Variants in FLI1 observed in about 807,000 individuals in gnomAD.
The protein encoded by FLI1 is Fli-1 proto-oncogene, ETS transcription factor.
Under a neutral mutation model 53.1 loss-of-function variants are expected in FLI1, and 13 were observed. That is an observed-to-expected ratio of 0.24 (90% CI 0.16 to 0.39). The LOEUF (loss-of-function observed/expected upper bound fraction) is 0.39. FLI1 is among the 10% of genes least tolerant of loss of function. The pLI, the probability that FLI1 is intolerant of heterozygous loss-of-function variation, is 1.00. For missense variants in FLI1, 424 were observed against 600.5 expected, an observed-to-expected ratio of 0.71 and a Z score of 3.07; for synonymous variants, 244 against 236.7, an observed-to-expected ratio of 1.03 and a Z score of -0.28.
At chr11:128,758,353 TG>T in intron 2 of FLI1, 27 bp downstream of exon 2, 2 of 1,595,942 alleles carry the variant, frequency 1.3e-6, no homozygotes, top group Non-Finnish European at 8.6e-7. Flanking sequence ...TGTGCAGGAT[TG>T]GGGGAAGGCA....
intron 1 of FLI1, among the ~76,000 whole-genome samples, chr11:128,715,931 G>A (rs924949446): frequency 1.3e-5 from 2 of 152,206 alleles, no homozygotes; most frequent in South Asian, 2.1e-4. Flanking sequence ...CCACTAAGGA[G>A]AGCAAGGTTT....
chr11:128,762,982 G>A (rs1426000271), intron 2 of FLI1, among the ~76,000 whole-genome samples: 2 of 151,944 alleles, frequency 1.3e-5, no homozygotes, highest in South Asian at 2.1e-4. Context: ...TATGTAGTTC[G>A]CACATGTGGT....
At chr11:128,693,351 G>T (rs1165510118), upstream of FLI1, 1 of 152,458 alleles carries the variant, frequency 6.6e-6, no homozygotes, top group East Asian at 1.9e-4. Flanking sequence ...ATGAGTGGGT[G>T]AGCCGCTCTG....
chr11:128,750,607 G>A (rs754567288), intron 1 of FLI1, among the ~76,000 whole-genome samples: 3 of 152,162 alleles, frequency 2.0e-5, no homozygotes, highest in Non-Finnish European at 4.4e-5. Context: ...TTGCCCCTCT[G>A]GAGGCTTTTC....
At chr11:128,686,079 C>A (rs113134212), upstream of FLI1, 88 of 319,526 alleles carry the variant, frequency 2.8e-4, no homozygotes, top group Non-Finnish European at 4.3e-4. Flanking sequence ...TTCCTCCGTC[C>A]CCGGGCCACC....
At chr11:128,717,301 T>G (rs1939056699) in intron 1 of FLI1, among the ~76,000 whole-genome samples, 1 of 152,156 alleles carries the variant, frequency 6.6e-6, no homozygotes, top group Admixed American at 6.5e-5. Flanking sequence ...GAGAGGAGAT[T>G]CCCAGGAGGA....
At chr11:128,792,594 A>G (rs1463673626) in intron 5 of FLI1, among the ~76,000 whole-genome samples, 1 of 152,198 alleles carries the variant, frequency 6.6e-6, no homozygotes, top group African/African-American at 2.4e-5. Flanking sequence ...TGCCACATGG[A>G]GACAAACGGG....
At chr11:128,785,078 G>A (rs969392108) in intron 5 of FLI1, among the ~76,000 whole-genome samples, 3 of 152,154 alleles carry the variant, frequency 2.0e-5, no homozygotes, top group African/African-American at 7.2e-5. Context: ...GGTTATTTGT[G>A]CCCAGGAAGT....
At chr11:128,742,997 G>T (rs959181881) in intron 1 of FLI1, among the ~76,000 whole-genome samples, 1 of 152,118 alleles carries the variant, frequency 6.6e-6, no homozygotes, top group African/African-American at 2.4e-5. Context: ...GGCTTCACTG[G>T]CTTCATTGAC....
chr11:128,771,067 G>A (rs752200547), intron 3 of FLI1, among the ~76,000 whole-genome samples: 6 of 152,234 alleles, frequency 3.9e-5, no homozygotes, highest in Non-Finnish European at 8.8e-5. Flanking sequence ...ACTTACCAGC[G>A]ATGGGGCTTT....
chr11:128,779,153 A>C (rs1941834148), intron 4 of FLI1, among the ~76,000 whole-genome samples: 2 of 152,260 alleles, frequency 1.3e-5, no homozygotes, highest in Admixed American at 1.3e-4. Flanking sequence ...ATGTGTGCCC[A>C]AAGAAGAACT....
chr11:128,718,169 A>G (rs1425892229), intron 1 of FLI1, among the ~76,000 whole-genome samples: 2 of 152,184 alleles, frequency 1.3e-5, no homozygotes, highest in African/African-American at 4.8e-5. Flanking sequence ...CACTTACTTT[A>G]TGTTTGTCAT....
intron 1 of FLI1, among the ~76,000 whole-genome samples, chr11:128,725,716 TG>T (rs1939448352): frequency 6.6e-6 from 1 of 151,328 alleles, no homozygotes; most frequent in Admixed American, 6.6e-5. Context: ...TCAGGGCTGG[TG>T]GTTTCAAAAC....
At chr11:128,728,314 C>T (rs1053095804) in intron 1 of FLI1, among the ~76,000 whole-genome samples, 19 of 152,238 alleles carry the variant, frequency 1.2e-4, no homozygotes, top group African/African-American at 3.9e-4. Flanking sequence ...CTGGCAGAGG[C>T]TGTCACAGAA....
chr11:128,786,632 C>A (rs74481259), intron 5 of FLI1, among the ~76,000 whole-genome samples: 1 of 152,110 alleles, frequency 6.6e-6, no homozygotes, highest in Non-Finnish European at 1.5e-5. Context: ...TGCAGATGTG[C>A]GTGTGTCTGC....
intron 1 of FLI1, among the ~76,000 whole-genome samples, chr11:128,751,832 T>TG (rs886815861): frequency 1.0e-4 from 15 of 149,420 alleles, no homozygotes; most frequent in Non-Finnish European, 2.1e-4. Context: ...TTGGGTTTGT[T>TG]TTTTTTTTTT....
chr11:128,777,682 C>A (rs1448263597), intron 4 of FLI1, among the ~76,000 whole-genome samples: 1 of 152,198 alleles, frequency 6.6e-6, no homozygotes, highest in Non-Finnish European at 1.5e-5. Flanking sequence ...AGCCTTGCAC[C>A]CTCCCGCTCC....
Position 128,694,112 on chromosome 11 carries a change from T to C in FLI1, c.-147T>C. The stretch of plus-strand genomic sequence containing the variant: ...ACAACAACAAACGTGCACAGGGGAG[T>C]GAGGGCAGGGCGCTCGCAGGGGGCA... On this transcript the variant is annotated 5_prime_UTR_variant, in exon 1 of 9. Coordinates refer to ENST00000527786, the MANE Select transcript of FLI1 (RefSeq NM_002017.5). The C allele has an allele frequency of 1.5e-6, 1 of 673,140 alleles. No individual in the cohort carries two copies. Among genetic ancestry groups the C allele is most frequent in the South Asian group, 2.8e-5 (1 of 35,356 alleles). 41.7% of individuals were successfully genotyped at this position (673,140 alleles called of 1,614,324 possible).
intron 5 of FLI1, among the ~76,000 whole-genome samples, chr11:128,796,848 G>A (rs951605926): frequency 1.3e-4 from 20 of 152,306 alleles, no homozygotes; most frequent in South Asian, 4.1e-4. Context: ...GGTGGCAGGC[G>A]CCTATAATAC....
Sources: allele counts gnomAD v4.1 joint callset (sites outside exome capture counted in the v4.1 genomes callset), GRCh38; gene constraint gnomAD v4.1.1; transcripts MANE v1.5; gene names NCBI Gene and HGNC (gene_info 2026-07-23, HGNC 2026-07-21).